Variants in PPFIBP1 observed in about 807,000 individuals in gnomAD.
PPFIBP1 encodes liprin-beta-1.
In PPFIBP1, 112 loss-of-function variants were observed where a neutral mutation model predicts 137.8. The ratio of observed to expected loss-of-function variants is 0.81; its 90% CI spans 0.70 to 0.95. The LOEUF (loss-of-function observed/expected upper bound fraction) is 0.95, where lower values mean the gene tolerates loss of function less well. Ranked by LOEUF, PPFIBP1 falls within the 40% of genes least tolerant of loss-of-function variation. The pLI is 0.00. For missense variants in PPFIBP1, 1,083 were observed against 1,196.6 expected (o/e 0.91, Z 1.40); for synonymous variants, 378 against 417.3 (o/e 0.91, Z 1.15).
intron 28 of PPFIBP1, 36 bp from the exon 29 acceptor site, chr12:27,692,555 A>G: frequency 6.2e-7 from 1 of 1,601,480 alleles, no homozygotes; most frequent in Non-Finnish European, 8.5e-7. Context: ...GAAATTGTGA[A>G]AACACTTATG....
At chr12:27,682,567 G>T in intron 23 of PPFIBP1, 48 bp from the exon 24 acceptor site, 1 of 1,609,522 alleles carries the variant, frequency 6.2e-7, no homozygotes, top group Non-Finnish European at 8.5e-7. Flanking sequence ...TTAATCACAA[G>T]AACAGATGTT....
intron 1 of PPFIBP1, chr12:27,547,132 A>C (rs1357321608): frequency 1.3e-5 from 2 of 152,244 alleles, no homozygotes; most frequent in Non-Finnish European, 1.5e-5. Context: ...GAGGTTATAA[A>C]GTAAATATGT....
At chr12:27,601,828 G>A (rs1248458972) in intron 2 of PPFIBP1, among the ~76,000 whole-genome samples, 1 of 152,144 alleles carries the variant, frequency 6.6e-6, no homozygotes, top group Non-Finnish European at 1.5e-5. Flanking sequence ...ACATTTCATG[G>A]CCAGCAGGCA....
chr12:27,659,776 G>A (rs1353407230), intron 10 of PPFIBP1, among the ~76,000 whole-genome samples: 3 of 152,030 alleles, frequency 2.0e-5, no homozygotes, highest in Non-Finnish European at 4.4e-5. Flanking sequence ...ATGCACCACT[G>A]TTTTATAACT....
intron 2 of PPFIBP1, among the ~76,000 whole-genome samples, chr12:27,613,221 A>G (rs554416268): frequency 1.3e-5 from 2 of 152,348 alleles, no homozygotes; most frequent in East Asian, 3.9e-4. Context: ...ACTCCCAAGG[A>G]GCTGGGTAGC....
intron 25 of PPFIBP1, 157 bp from the exon 26 acceptor site, chr12:27,688,141 G>A (rs2140497162): frequency 1.2e-6 from 1 of 855,598 alleles, no homozygotes; most frequent in Non-Finnish European, 1.8e-6. Flanking sequence ...ATATAAGAAA[G>A]CTTGAAACTC....
In PPFIBP1 at chr12:27,694,685, G is replaced by T; in HGVS notation, c.*1803G>T. 1 of 152,184 alleles carries T rather than the reference G, an allele frequency of 6.6e-6. No individual in the cohort carries two copies. The highest frequency in any genetic ancestry group is 6.5e-5 in the Admixed American group (1 of 15,278). 9.4% of individuals were successfully genotyped at this position (152,184 alleles called of 1,614,324 possible). A position where few individuals can be genotyped will look rare whatever the true frequency, so the allele number is the denominator to read the frequency against. On this transcript the variant is annotated 3_prime_UTR_variant, in exon 30 of 30. Transcript: ENST00000228425. The stretch of plus-strand genomic sequence containing the variant: ...AAAGAAAATCGCTGCAGCAAAAACT[G>T]TTACTGTGTTTATTATATTTGTAGA...
chr12:27,567,521 G>A (rs2049785285), intron 1 of PPFIBP1, among the ~76,000 whole-genome samples: 1 of 152,136 alleles, frequency 6.6e-6, no homozygotes, highest in Non-Finnish European at 1.5e-5. Context: ...ACAAATGATA[G>A]GATTTCTTGG....
In PPFIBP1 at chr12:27,689,222, G is replaced by T; in HGVS notation, c.2685+19G>T. ...AGTGAAGGTTGGTTCAGGCTCATAC[G>T]GTTTAATAATTGCTTGGCGCAAAGG... is the stretch of plus-strand genomic sequence containing the variant. On this transcript the variant is annotated intron_variant, in intron 27 of 29. Transcript: ENST00000228425. The T allele has an allele frequency of 6.6e-7, 1 of 1,515,550 alleles. No individual in the cohort carries two copies. The highest frequency in any genetic ancestry group is 1.3e-5 in the South Asian group (1 of 74,718). 93.9% of individuals were successfully genotyped at this position (1,515,550 alleles called of 1,614,324 possible). A position where few individuals can be genotyped will look rare whatever the true frequency, so the allele number is the denominator to read the frequency against.
intron 11 of PPFIBP1, among the ~76,000 whole-genome samples, chr12:27,661,375 C>G (rs6487630): frequency 1 from 151,669 of 152,350 alleles, 75,502 homozygotes; most frequent in East Asian, 1. Flanking sequence ...TGTTTCACAT[C>G]TGTGATTGTC....
intron 1 of PPFIBP1, chr12:27,538,089 G>A (rs1945248337): frequency 6.6e-6 from 1 of 152,232 alleles, no homozygotes; most frequent in African/African-American, 2.4e-5. Context: ...CTTTCTCCAA[G>A]CTTGCCTTTC....
intron 7 of PPFIBP1, among the ~76,000 whole-genome samples, chr12:27,651,579 G>C (rs1316284287): frequency 2.6e-5 from 4 of 152,000 alleles, no homozygotes; most frequent in Non-Finnish European, 4.4e-5. Context: ...CTTTTTGTCA[G>C]GTCCTAACCC....
chr12:27,693,635 A>G lies in PPFIBP1; in HGVS notation c.*753A>G, dbSNP rs565529633. ...AATTGTTGAACAGTTTAAGAATTTCAACCTTAATCTTGGATCCCTTTACCT... is the reference window on the plus strand; with the variant it reads ...AATTGTTGAACAGTTTAAGAATTTCGACCTTAATCTTGGATCCCTTTACCT... On this transcript the variant is annotated 3_prime_UTR_variant, in exon 30 of 30. Coordinates refer to ENST00000228425, the MANE Select transcript of PPFIBP1 (RefSeq NM_003622.4). The G allele has an allele frequency of 1.3e-5, 2 of 152,278 alleles. No individual in the cohort carries two copies. Among genetic ancestry groups the G allele is most frequent in the East Asian group, 3.9e-4 (2 of 5,178 alleles). 9.4% of individuals were successfully genotyped at this position (152,278 alleles called of 1,614,324 possible).
intron 12 of PPFIBP1, among the ~76,000 whole-genome samples, chr12:27,666,027 C>A (rs2059834003): frequency 6.6e-6 from 1 of 152,182 alleles, no homozygotes; most frequent in Non-Finnish European, 1.5e-5. Context: ...AGAATTTCAA[C>A]TGTCCAATTC....
Position 27,676,608 on chromosome 12 carries a change from G to A in PPFIBP1, c.1582+9G>A. 2 of 1,554,452 alleles carry A rather than the reference G, an allele frequency of 1.3e-6. No homozygotes were observed. Among genetic ancestry groups the A allele is most frequent in the Middle Eastern group, 1.7e-4 (1 of 5,788 alleles). ...AAGTGCACCAAACTTAGGTACGTAT[G>A]ACCAAAATGCCTTTGCCCTAATTCT... On this transcript the variant is annotated intron_variant, in intron 18 of 29. Coordinates refer to ENST00000228425, the MANE Select transcript of PPFIBP1 (RefSeq NM_003622.4).
chr12:27,692,517 C>T, intron 28 of PPFIBP1, 74 bp from the exon 29 acceptor site: 1 of 1,378,230 alleles, frequency 7.3e-7, no homozygotes, highest in Non-Finnish European at 1.0e-6. Context: ...TCTTCTTAGA[C>T]TTTTGTTCCT....
chr12:27,633,209 A>G (rs1458560557), intron 2 of PPFIBP1, among the ~76,000 whole-genome samples, 153 bp from the exon 3 acceptor site: 1 of 152,216 alleles, frequency 6.6e-6, no homozygotes, highest in East Asian at 1.9e-4. Context: ...CTTGTGCTAC[A>G]GTAGGTGATT....
Position 27,679,619 on chromosome 12 carries a change from T to C in PPFIBP1, c.1746T>C (p.Gly582=), listed in dbSNP as rs755859629. 6.1e-5 allele frequency: 98 copies of C among 1,613,710 alleles called. No individual in the cohort carries two copies. The Middle Eastern group carries it at 6.6e-4, about 11-fold the overall frequency. ...CAGATTCCAAAAAGAAATCCAGAGG[T>C]ATCATGAAACTCTTTGGAAAGTAAG... ...PSPDSKKKSR[G]IMKLFGKLRR... The change falls in exon 20 of 30, where the codon GGT becomes GGC. Residue 582 remains glycine (G), a synonymous_variant. Coordinates refer to ENST00000228425, the MANE Select transcript of PPFIBP1 (RefSeq NM_003622.4).
rs750408050 is a variant in PPFIBP1 at position 27,557,492 on chromosome 12, A to G, written c.-123-20660A>G. Among the ~76,000 whole-genome samples, 18 of 152,170 alleles carry G rather than the reference A, an allele frequency of 1.2e-4. 1 individual carries two copies. Among genetic ancestry groups the G allele is most frequent in the African/African-American group, 3.9e-4 (16 of 41,534 alleles). ...CCTCGTGATCCACCCGCCTTGGCAC[A>G]CGCCTGCTGGGATTACAGGCATGAG... is the stretch of plus-strand genomic sequence containing the variant. On this transcript the variant is annotated intron_variant, in intron 1 of 29. Coordinates refer to ENST00000228425, the MANE Select transcript of PPFIBP1 (RefSeq NM_003622.4).
Sources: gnomAD v4.1 joint callset for allele counts (sites outside exome capture counted in the v4.1 genomes callset) on GRCh38, gnomAD v4.1.1 for gene constraint, MANE v1.5 for transcripts, NCBI Gene and HGNC (gene_info 2026-07-23, HGNC 2026-07-21) for gene names.